USH2A: variants seen among roughly 807,000 people sequenced by gnomAD.
USH2A encodes usherin.
A neutral mutation model predicts 538.9 loss-of-function variants in USH2A; 443 were observed. That is an observed-to-expected ratio of 0.82 (90% CI 0.76 to 0.89). The LOEUF (loss-of-function observed/expected upper bound fraction) is 0.89. Ranked by LOEUF, USH2A falls within the 40% of genes least tolerant of loss-of-function variation. The pLI, the probability that USH2A is intolerant of heterozygous loss-of-function variation, is 0.00. For synonymous variants in USH2A, 2,413 were observed against 2,273.5 expected (o/e 1.06, Z -1.75); for missense variants, 6,633 against 6,324.8 (o/e 1.05, Z -1.65).
intron 44 of USH2A, among the ~76,000 whole-genome samples, chr1:215,863,040 A>G (rs1028796): frequency 0.49 from 74,470 of 152,048 alleles, 18,430 homozygotes; most frequent in Admixed American, 0.62. Context: ...AAGAACTTTG[A>G]GAAACATCTT....
At chr1:215,891,890 C>G (rs1485144252) in intron 40 of USH2A, among the ~76,000 whole-genome samples, 1 of 152,106 alleles carries the variant, frequency 6.6e-6, no homozygotes, top group Non-Finnish European at 1.5e-5. Flanking sequence ...TTAGAGAACT[C>G]CCTCTTGGAG....
chr1:215,687,920 C>T (rs2820690), intron 61 of USH2A, among the ~76,000 whole-genome samples: 55,335 of 151,774 alleles, frequency 0.36, 10,340 homozygotes, highest in South Asian at 0.52. Flanking sequence ...ATTACCTTCC[C>T]GAATTTTACA....
At chr1:216,046,856 A>G (rs578208163) in intron 31 of USH2A, among the ~76,000 whole-genome samples, 1 of 152,306 alleles carries the variant, frequency 6.6e-6, no homozygotes, top group South Asian at 2.1e-4. Flanking sequence ...CAAAAGTACT[A>G]TTAACCCATA....
In USH2A at chr1:216,217,489, C is replaced by T. The variant is rs1485822127; in HGVS notation, c.3055G>A (p.Gly1019Ser). 2 of 1,613,258 alleles carry T rather than the reference C, an allele frequency of 1.2e-6. No homozygotes were observed. Among genetic ancestry groups the T allele is most frequent in the Non-Finnish European group, 1.7e-6 (2 of 1,179,476 alleles). Residue 1019 changes from glycine (G) to serine (S), a missense_variant, in exon 15 of 72, where the codon GGC (glycine) becomes AGC (serine). Coordinates refer to ENST00000307340, the MANE Select transcript of USH2A (RefSeq NM_206933.4). ...ALNETCHLVTGQCFCKQFVTG... is the reference protein window; with the variant it reads ...ALNETCHLVTSQCFCKQFVTG... ...ACAAATTGTTTACAGAAACACTGGC[C>T]TGTGACCAAGTGACAGGTTTCATTC...
At chr1:216,036,551 A>T (rs1331132870) in intron 32 of USH2A, among the ~76,000 whole-genome samples, 1 of 152,186 alleles carries the variant, frequency 6.6e-6, no homozygotes, top group Non-Finnish European at 1.5e-5. Flanking sequence ...ATTTTTCTAC[A>T]GCATCATAAA....
At chr1:215,963,823 G>C (rs1336112936) in intron 37 of USH2A, among the ~76,000 whole-genome samples, 1 of 152,030 alleles carries the variant, frequency 6.6e-6, no homozygotes, top group Non-Finnish European at 1.5e-5. Context: ...AACATGTAGA[G>C]GGTCATTACG....
At chr1:215,702,970 T>G (rs1659077854) in intron 61 of USH2A, among the ~76,000 whole-genome samples, 1 of 152,180 alleles carries the variant, frequency 6.6e-6, no homozygotes, top group Non-Finnish European at 1.5e-5. Context: ...ATCTTTGATA[T>G]TGGTGACCTT....
At chr1:215,845,722 C>G (rs1172295009) in intron 45 of USH2A, 102 bp downstream of exon 45, 10 of 1,337,758 alleles carry the variant, frequency 7.5e-6, no homozygotes, top group South Asian at 2.5e-5. Flanking sequence ...CCTCCCACAC[C>G]GGAAATTTTA....
At chr1:216,046,037 G>GTA (rs1231058733) in intron 32 of USH2A, among the ~76,000 whole-genome samples, 1 of 151,364 alleles carries the variant, frequency 6.6e-6, no homozygotes, top group Non-Finnish European at 1.5e-5. Flanking sequence ...GTGTGTGTGT[G>GTA]TGTGTGTGTG....
At position 215,786,775 on chromosome 1, in the gene USH2A, T is replaced by C; in HGVS notation, c.10282A>G (p.Ile3428Val). The C allele has an allele frequency of 6.2e-7, 1 of 1,613,996 alleles. No homozygotes were observed. Among genetic ancestry groups the C allele is most frequent in the South Asian group, 1.1e-5 (1 of 91,086 alleles). Residue 3428 changes from isoleucine (I) to valine (V), a missense_variant, in exon 52 of 72, where the codon ATA (isoleucine) becomes GTA (valine). Coordinates refer to ENST00000307340, the MANE Select transcript of USH2A (RefSeq NM_206933.4). Reference protein sequence around the residue: ...FNFTSHICTVIRGSHNSTGKA... With the variant: ...FNFTSHICTVVRGSHNSTGKA... ...CCTGTGGAATTGTGAGACCCTCTTA[T>C]CACAGTGCAAATGTGGCTGGTAAAG...
At chr1:216,284,833 G>C (rs2036850494) in intron 11 of USH2A, among the ~76,000 whole-genome samples, 1 of 152,158 alleles carries the variant, frequency 6.6e-6, no homozygotes. Context: ...AGGCTGAGGT[G>C]GTCTCAGCTG....
At position 215,634,527 on chromosome 1, in the gene USH2A, G is replaced by A; in HGVS notation, c.15229C>T (p.Pro5077Ser). ...CTCTTCTGAAGAGGTACCAAGGGAGGTCTTTCTCTGATATATGGCTCTTTG... is the reference window on the plus strand; with the variant it reads ...CTCTTCTGAAGAGGTACCAAGGGAGATCTTTCTCTGATATATGGCTCTTTG... ...IHKEPYIRERPPLVPLQKRMS... is the reference protein window; with the variant it reads ...IHKEPYIRERSPLVPLQKRMS... The change falls in exon 70 of 72, where the codon CCT (proline) becomes TCT (serine). Residue 5077 changes from proline to serine, a missense_variant. By Grantham distance (74) the Pro-to-Ser change is moderately conservative. Coordinates refer to ENST00000307340, the MANE Select transcript of USH2A (RefSeq NM_206933.4). The A allele has an allele frequency of 1.2e-6, 2 of 1,614,182 alleles. No individual in the cohort carries two copies. Among genetic ancestry groups the A allele is most frequent in the East Asian group, 2.2e-5 (1 of 44,880 alleles).
At chr1:216,234,181 G>A (rs563843451) in intron 13 of USH2A, among the ~76,000 whole-genome samples, 1 of 152,200 alleles carries the variant, frequency 6.6e-6, no homozygotes, top group East Asian at 1.9e-4. Context: ...GGCTCTTGTT[G>A]AAAACAAGCC....
intron 22 of USH2A, among the ~76,000 whole-genome samples, chr1:216,095,091 A>T (rs1005631582): frequency 6.6e-6 from 1 of 152,178 alleles, no homozygotes. Flanking sequence ...TAATCTTGAC[A>T]GGAAATTGAT....
intron 40 of USH2A, among the ~76,000 whole-genome samples, chr1:215,891,460 A>G (rs1052841724): frequency 1.6e-4 from 25 of 152,292 alleles, no homozygotes; most frequent in East Asian, 1.2e-3. Flanking sequence ...CTAATTCTAT[A>G]TACAAATCAA....
At position 215,674,212 on chromosome 1, in the gene USH2A, G is replaced by A; in HGVS notation, c.13699C>T (p.Leu4567Phe). The A allele has an allele frequency of 6.2e-7, 1 of 1,614,152 alleles. No individual in the cohort carries two copies. The highest frequency in any genetic ancestry group is 8.5e-7 in the Non-Finnish European group (1 of 1,180,022). The change falls in exon 63 of 72, where the codon CTC (leucine) becomes TTC (phenylalanine). Residue 4567 changes from leucine (L) to phenylalanine (F), a missense_variant. By Grantham distance (22) the Leu-to-Phe change is conservative (BLOSUM62 0). Transcript: ENST00000307340. ...CTTTCAAATAGTTCACGGATGAAGA[G>A]GGTATAATTGATGATATCACCATTT... ...RTNGDIINYT[L>F]FIRELFERET...
intron 37 of USH2A, among the ~76,000 whole-genome samples, chr1:215,964,808 A>G: frequency 6.6e-6 from 1 of 152,200 alleles, no homozygotes; most frequent in Non-Finnish European, 1.5e-5. Context: ...AACCCCATGT[A>G]GCCTAATCCA....
intron 21 of USH2A, among the ~76,000 whole-genome samples, chr1:216,111,577 A>G (rs938274428): frequency 4.6e-5 from 7 of 152,074 alleles, no homozygotes; most frequent in African/African-American, 1.7e-4. Flanking sequence ...GTTTAAAAAA[A>G]CTATCAGAAA....
At chr1:216,156,742 C>T (rs1451590858) in intron 21 of USH2A, among the ~76,000 whole-genome samples, 1 of 152,146 alleles carries the variant, frequency 6.6e-6, no homozygotes, top group African/African-American at 2.4e-5. Flanking sequence ...AGTAAACAGA[C>T]AGCCTACAGA....
Sources: gnomAD v4.1 joint callset for allele counts (sites outside exome capture counted in the v4.1 genomes callset) on GRCh38, gnomAD v4.1.1 for gene constraint, MANE v1.5 for transcripts, NCBI Gene and HGNC (gene_info 2026-07-23, HGNC 2026-07-21) for gene names.